The following BOLA3 variants were observed in gnomAD, a reference collection of about 807,000 sequenced individuals.
The protein encoded by BOLA3 is bolA family member 3.
In BOLA3, 8 loss-of-function variants were observed where a neutral mutation model predicts 14.5. That is an observed-to-expected ratio of 0.55 (90% CI 0.32 to 0.99). The LOEUF is 0.99. Ranked by LOEUF, BOLA3 falls within the 50% of genes least tolerant of loss-of-function variation. BOLA3 has a pLI of 0.04. For missense variants in BOLA3, 115 were observed against 138.2 expected (o/e 0.83, Z 0.84); for synonymous variants, 42 against 45.7 (o/e 0.92, Z 0.33).
chr2:74,136,916 A>G (rs1656708416), intron 3 of BOLA3, among the ~76,000 whole-genome samples: 1 of 152,224 alleles, frequency 6.6e-6, no homozygotes, highest in African/African-American at 2.4e-5. Context: ...CCAGAGTCAA[A>G]TAGATATTTG....
chr2:74,144,834 T>TGG (rs1345123746), intron 2 of BOLA3, among the ~76,000 whole-genome samples: 2 of 152,218 alleles, frequency 1.3e-5, no homozygotes, highest in Non-Finnish European at 2.9e-5. Flanking sequence ...CCAGCTCTGA[T>TGG]ATCCTAGGGT....
At chr2:74,142,144 T>A (rs1256951226) in intron 3 of BOLA3, 128 bp downstream of exon 3, 2 of 726,110 alleles carry the variant, frequency 2.8e-6, no homozygotes, top group Non-Finnish European at 5.0e-6. Context: ...AGGTCTTGAG[T>A]CCTGTTTCGT....
intron 3 of BOLA3, among the ~76,000 whole-genome samples, 176 bp from the exon 4 acceptor site, chr2:74,135,834 T>C (rs1052992993): frequency 2.0e-5 from 3 of 152,184 alleles, no homozygotes; most frequent in African/African-American, 7.2e-5. Flanking sequence ...TCTAACATGA[T>C]TTAAAGATTC....
At chr2:74,138,829 G>A (rs1434510584) in intron 3 of BOLA3, among the ~76,000 whole-genome samples, 1 of 152,184 alleles carries the variant, frequency 6.6e-6, no homozygotes, top group African/African-American at 2.4e-5. Context: ...GGGCACCTGT[G>A]GTCAATGCCT....
chr2:74,140,004 T>C (rs753041506), intron 3 of BOLA3, among the ~76,000 whole-genome samples: 39 of 152,010 alleles, frequency 2.6e-4, no homozygotes, highest in South Asian at 1.7e-3. Flanking sequence ...ATTTTTAAGG[T>C]TGGGCATGGT....
chr2:74,145,981 T>A (rs1189995758), intron 1 of BOLA3: 1 of 150,718 alleles, frequency 6.6e-6, no homozygotes, highest in African/African-American at 2.5e-5. Flanking sequence ...TGGGGGAACC[T>A]GTGTTTGTGT....
At chr2:74,139,140 G>A (rs1414187897) in intron 3 of BOLA3, among the ~76,000 whole-genome samples, 4 of 152,144 alleles carry the variant, frequency 2.6e-5, no homozygotes, top group Admixed American at 1.3e-4. Flanking sequence ...TGAGGGTGCC[G>A]ACAGGGGGCG....
chr2:74,135,486 T>G lies in BOLA3; in HGVS notation c.*107A>C, dbSNP rs769336989. Reference sequence around the variant, plus strand: ...CTTCTATAATTATAATATGGAAATGTATATGAGCAAAATATATAAATTTTT... The same window carrying G: ...CTTCTATAATTATAATATGGAAATGGATATGAGCAAAATATATAAATTTTT... On this transcript the variant is annotated 3_prime_UTR_variant, in exon 4 of 4. Transcript: ENST00000327428. 6.6e-7 allele frequency: 1 copy of G among 1,504,280 alleles called. No individual in the cohort carries two copies. Among genetic ancestry groups the G allele is most frequent in the Non-Finnish European group, 9.2e-7 (1 of 1,082,052 alleles). The allele number at this position is 1,504,280 out of a possible 1,614,324, so 93.2% of individuals were successfully genotyped here.
chr2:74,139,727 C>T (rs557223782), intron 3 of BOLA3, among the ~76,000 whole-genome samples: 32 of 152,328 alleles, frequency 2.1e-4, no homozygotes, highest in Middle Eastern at 3.4e-3. Flanking sequence ...TGTGGCCAGG[C>T]TCAGGGGACC....
In BOLA3 at chr2:74,135,458, C is replaced by A; in HGVS notation, c.*135G>T. ...TTAATTAACATCTAAATAGATTATA[C>A]ATCTTCTATAATTATAATATGGAAA... On this transcript the variant is annotated 3_prime_UTR_variant, in exon 4 of 4. Transcript: ENST00000327428. 2 of 1,278,702 alleles carry A rather than the reference C, an allele frequency of 1.6e-6. No individual in the cohort carries two copies. Among genetic ancestry groups the A allele is most frequent in the Non-Finnish European group, 2.3e-6 (2 of 884,530 alleles). 79.2% of individuals were successfully genotyped at this position (1,278,702 alleles called of 1,614,324 possible).
chr2:74,142,163 T>C (rs1692448342), intron 3 of BOLA3, 109 bp downstream of exon 3: 1 of 809,322 alleles, frequency 1.2e-6, no homozygotes, highest in East Asian at 2.5e-5. Context: ...GTGATTGCAG[T>C]ACTGCATTAT....
intron 1 of BOLA3, 190 bp from the exon 2 acceptor site, chr2:74,145,493 TA>T (rs1692526902): frequency 4.9e-6 from 3 of 614,610 alleles, no homozygotes; most frequent in Non-Finnish European, 8.7e-6. Flanking sequence ...AAACACAGAA[TA>T]AACTTTTATT....
At chr2:74,145,161 G>T (rs113779235) in intron 2 of BOLA3, 28 bp downstream of exon 2, 1 of 1,265,408 alleles carries the variant, frequency 7.9e-7, no homozygotes, top group South Asian at 1.2e-5. Context: ...TTATCCAAGC[G>T]CCGTAGGAAG....
rs752164175 is a variant in BOLA3 at position 74,145,224 on chromosome 2, G to C, written c.134C>G (p.Pro45Arg). 1.9e-6 allele frequency: 3 copies of C among 1,609,340 alleles called. No individual in the cohort carries two copies. In the Admixed American group the frequency reaches 5.0e-5, roughly 27 times the overall value. ...AGTGACTTTTATAGCTGTAGCTCGT[G>C]GAAACTTTTCTTTGAGAATTTGGGT... is the stretch of plus-strand genomic sequence containing the variant. Reference protein sequence around the residue: ...RVTQILKEKFPRATAIKVTDI... With the variant: ...RVTQILKEKFRRATAIKVTDI... The change falls in exon 2 of 4, where the codon CCA (proline) becomes CGA (arginine). Residue 45 changes from proline (P) to arginine (R), a missense_variant. Pro to Arg is a moderately radical substitution (Grantham distance 103, BLOSUM62 -2). Transcript: ENST00000327428.
intron 3 of BOLA3, among the ~76,000 whole-genome samples, chr2:74,140,378 T>C (rs1692417423): frequency 6.6e-6 from 1 of 152,238 alleles, no homozygotes; most frequent in African/African-American, 2.4e-5. Flanking sequence ...TAAAACATAA[T>C]TTCCATGGGT....
chr2:74,139,033 A>G (rs59173216), intron 3 of BOLA3, among the ~76,000 whole-genome samples: 1,971 of 152,196 alleles, frequency 0.013, 35 homozygotes, highest in African/African-American at 0.045. Flanking sequence ...CCCACAGCAA[A>G]TGCCCAGTAA....
At chr2:74,145,719 A>G in intron 1 of BOLA3, 1 of 279,478 alleles carries the variant, frequency 3.6e-6, no homozygotes, top group East Asian at 9.2e-5. Context: ...TCAGATCCAT[A>G]CCACTAGGCC....
chr2:74,141,243 G>A (rs576593651), intron 3 of BOLA3, among the ~76,000 whole-genome samples: 5 of 152,256 alleles, frequency 3.3e-5, no homozygotes, highest in Middle Eastern at 3.4e-3. Flanking sequence ...AAAGGGCTAC[G>A]TTCCATGAGA....
intron 1 of BOLA3, chr2:74,147,536 C>T (rs1486718572): frequency 1.2e-5 from 6 of 486,856 alleles, no homozygotes; most frequent in South Asian, 5.2e-5. Context: ...TTTTCCTGTG[C>T]CCGCAGTATT....
Sources: allele counts gnomAD v4.1 joint callset (sites outside exome capture counted in the v4.1 genomes callset), GRCh38; gene constraint gnomAD v4.1.1; transcripts MANE v1.5; gene names NCBI Gene and HGNC (gene_info 2026-07-23, HGNC 2026-07-21).